Variants in SMYD3 observed in about 807,000 individuals in gnomAD.
The protein encoded by SMYD3 is SET and MYND domain containing 3, also known as histone-lysine N-methyltransferase SMYD3.
SMYD3 carries 36 observed loss-of-function variants against 57.7 expected under a neutral mutation model. The observed-to-expected ratio is 0.62, with a 90% confidence interval of 0.48 to 0.82. The LOEUF (loss-of-function observed/expected upper bound fraction) is 0.82. Among genes scored for constraint, SMYD3 ranks in the 40% least tolerant of loss-of-function variants. The pLI is 0.00. For synonymous variants in SMYD3, 211 were observed against 195.0 expected (o/e 1.08, Z -0.68); for missense variants, 515 against 538.8 (o/e 0.96, Z 0.44).
At chr1:246,234,107 C>G (rs1187925674) in intron 5 of SMYD3, among the ~76,000 whole-genome samples, 2 of 131,446 alleles carry the variant, frequency 1.5e-5, no homozygotes, top group Admixed American at 7.9e-5. Flanking sequence ...ATATACCACA[C>G]AGAGGAGAAG....
intron 10 of SMYD3, among the ~76,000 whole-genome samples, chr1:245,797,629 C>G (rs540282928): frequency 6.6e-6 from 1 of 151,598 alleles, no homozygotes; most frequent in Non-Finnish European, 1.5e-5. Flanking sequence ...ACATATGTAA[C>G]AAACCTGCAC....
chr1:246,318,499 C>T (rs12035782), intron 5 of SMYD3, among the ~76,000 whole-genome samples: 21,451 of 152,180 alleles, frequency 0.14, 2,051 homozygotes, highest in East Asian at 0.39. Context: ...AGACCTCCTG[C>T]ATACAATGAA....
chr1:246,128,128 A>C (rs182901365), intron 5 of SMYD3, among the ~76,000 whole-genome samples: 1 of 152,308 alleles, frequency 6.6e-6, no homozygotes, highest in East Asian at 1.9e-4. Context: ...TAACAATAAC[A>C]ATCAAATACC....
intron 6 of SMYD3, 25 bp downstream of exon 6, chr1:245,929,845 G>A: frequency 6.3e-7 from 1 of 1,579,460 alleles, no homozygotes; most frequent in African/African-American, 1.3e-5. Context: ...GTGTCTTCCA[G>A]TACATGAAGT....
chr1:246,241,636 T>C (rs2063612653), intron 5 of SMYD3, among the ~76,000 whole-genome samples: 3 of 152,236 alleles, frequency 2.0e-5, no homozygotes, highest in Non-Finnish European at 4.4e-5. Context: ...TTCCCTCTTT[T>C]TCTATTGATT....
At chr1:246,256,997 A>G (rs1431180347) in intron 5 of SMYD3, among the ~76,000 whole-genome samples, 6 of 152,064 alleles carry the variant, frequency 3.9e-5, no homozygotes, top group Non-Finnish European at 7.4e-5. Flanking sequence ...ACTGATTTCT[A>G]TTTTTATTCC....
intron 8 of SMYD3, among the ~76,000 whole-genome samples, chr1:245,872,601 G>A (rs1572561774): frequency 6.6e-6 from 1 of 152,188 alleles, no homozygotes; most frequent in African/African-American, 2.4e-5. Flanking sequence ...AAAAATGCTC[G>A]TGGTGAGGAG....
Position 246,141,883 on chromosome 1 carries a change from T to C in SMYD3, c.531+185318A>G, listed in dbSNP as rs183174233. ...ATGAAAGACTTATTTTGAAACAAAG[T>C]TAAGTTTCCTATAAAGAAGTCAAAT... On this transcript the variant is annotated intron_variant, in intron 5 of 11. Coordinates refer to ENST00000490107, the MANE Select transcript of SMYD3 (RefSeq NM_001167740.2). 6.0e-3 allele frequency among the ~76,000 whole-genome samples: 917 copies of C among 152,312 alleles called. 7 individuals are homozygous for C. The highest frequency in any genetic ancestry group is 8.2e-3 in the Non-Finnish European group (559 of 68,030).
At chr1:245,868,171 A>G (rs2148507463) in intron 8 of SMYD3, among the ~76,000 whole-genome samples, 1 of 152,298 alleles carries the variant, frequency 6.6e-6, no homozygotes, top group African/African-American at 2.4e-5. Flanking sequence ...AAAGGCACCA[A>G]TACTTGTTAT....
chr1:246,191,626 G>A (rs2062740268), intron 5 of SMYD3, among the ~76,000 whole-genome samples: 1 of 152,164 alleles, frequency 6.6e-6, no homozygotes, highest in Non-Finnish European at 1.5e-5. Context: ...ATGTCTTTTG[G>A]GAACTGAACT....
intron 5 of SMYD3, among the ~76,000 whole-genome samples, chr1:246,013,075 C>T (rs1454245172): frequency 6.6e-6 from 1 of 152,174 alleles, no homozygotes; most frequent in Admixed American, 6.5e-5. Flanking sequence ...GACAAGACCA[C>T]GTTTCCTAGG....
intron 1 of SMYD3, 117 bp downstream of exon 1, chr1:246,506,937 C>T (rs1024887249): frequency 9.9e-5 from 97 of 984,596 alleles, no homozygotes; most frequent in Non-Finnish European, 1.3e-4. Context: ...CACCGCCAAG[C>T]TGCCTGTGCA....
At position 246,007,765 on chromosome 1, in the gene SMYD3, C is replaced by T. The variant is rs1277519182; in HGVS notation, c.532-77828G>A. 3.3e-5 allele frequency among the ~76,000 whole-genome samples: 5 copies of T among 151,180 alleles called. No homozygotes were observed. In the South Asian group the frequency reaches 6.3e-4, roughly 19 times the overall value. ...CTGGGAGGTTGAGGCTGCAGTAAGC[C>T]GTGATCACACCACTGCACTCCAGCC... On this transcript the variant is annotated intron_variant, in intron 5 of 11. Transcript: ENST00000490107.
rs771019042 is a variant in SMYD3, at chr1:245,764,164, A to G, written c.1077-15T>C. 3.2e-5 allele frequency: 50 copies of G among 1,579,816 alleles called. No individual in the cohort carries two copies. Among genetic ancestry groups the G allele is most frequent in the Non-Finnish European group, 4.4e-5 (50 of 1,148,856 alleles). ...GGAAAAAAATCCTGGAAGAAACCAA[A>G]CGGCAAACAGTGTCAGCAGCCCTCA... On this transcript the variant is annotated splice_polypyrimidine_tract_variant and intron_variant, in intron 10 of 11. Transcript: ENST00000490107.
intron 10 of SMYD3, among the ~76,000 whole-genome samples, chr1:245,798,577 G>A (rs908898854): frequency 4.0e-5 from 6 of 150,960 alleles, no homozygotes; most frequent in Non-Finnish European, 1.5e-5. Context: ...GAAGAAAGAG[G>A]GAAATTTCAA....
chr1:246,368,542 CAT>C (rs1215097480), intron 1 of SMYD3, among the ~76,000 whole-genome samples: 1 of 152,186 alleles, frequency 6.6e-6, no homozygotes, highest in African/African-American at 2.4e-5. Flanking sequence ...TTCCTAGTAA[CAT>C]GTCTTAATTA....
intron 5 of SMYD3, among the ~76,000 whole-genome samples, chr1:246,132,448 A>G (rs2061602720): frequency 6.6e-6 from 1 of 152,160 alleles, no homozygotes; most frequent in Non-Finnish European, 1.5e-5. Context: ...GTTTATCTAC[A>G]TGCAAAAGAA....
chr1:245,779,166 A>G (rs75239874), intron 10 of SMYD3, among the ~76,000 whole-genome samples: 63 of 142,260 alleles, frequency 4.4e-4, no homozygotes, highest in Middle Eastern at 3.6e-3. Flanking sequence ...TCCCAAGGGG[A>G]AAAAAAAAAA....
At chr1:245,905,498 G>A (rs189360284) in intron 8 of SMYD3, among the ~76,000 whole-genome samples, 128 of 152,314 alleles carry the variant, frequency 8.4e-4, no homozygotes, top group Admixed American at 1.9e-3. Context: ...CTGTGCCTTT[G>A]GAAAAAGGAG....
Sources: allele counts gnomAD v4.1 joint callset (sites outside exome capture counted in the v4.1 genomes callset), GRCh38; gene constraint gnomAD v4.1.1; transcripts MANE v1.5; gene names NCBI Gene and HGNC (gene_info 2026-07-23, HGNC 2026-07-21).